Variants in DIP2B observed in about 807,000 individuals in gnomAD.
DIP2B encodes DIP2 acetate--CoA ligase B (putative).
Under a neutral mutation model 198.0 loss-of-function variants are expected in DIP2B, and 76 were observed. The ratio of observed to expected loss-of-function variants is 0.38; its 90% CI spans 0.32 to 0.46. The LOEUF (loss-of-function observed/expected upper bound fraction) is 0.46, where lower values mean the gene tolerates loss of function less well. Among genes scored for constraint, DIP2B ranks in the 20% least tolerant of loss-of-function variants. DIP2B has a pLI of 0.99. For missense variants in DIP2B, 1,559 were observed against 1,978.4 expected, an observed-to-expected ratio of 0.79 and a Z score of 4.02; for synonymous variants, 701 against 739.1, an observed-to-expected ratio of 0.95 and a Z score of 0.84.
intron 37 of DIP2B, 58 bp downstream of exon 37, chr12:50,741,597 G>T: frequency 1.3e-6 from 2 of 1,559,304 alleles, no homozygotes; most frequent in Non-Finnish European, 1.7e-6. Flanking sequence ...AATCTCAACT[G>T]ATCTAATTAA....
At chr12:50,536,693 G>A (rs1384688284) in intron 1 of DIP2B, among the ~76,000 whole-genome samples, 3 of 151,294 alleles carry the variant, frequency 2.0e-5, no homozygotes, top group Admixed American at 6.6e-5. Flanking sequence ...TCAGCCTCTC[G>A]AGTAGCTGGG....
At chr12:50,603,676 C>T (rs1440163201) in intron 1 of DIP2B, among the ~76,000 whole-genome samples, 1 of 151,488 alleles carries the variant, frequency 6.6e-6, no homozygotes, top group African/African-American at 2.4e-5. Context: ...AAGCCATGAT[C>T]ATACCACTGC....
In DIP2B at chr12:50,741,401, TTTTC is replaced by T. The variant is rs1409444873; in HGVS notation, c.4355-9_4355-6del. On this transcript the variant is annotated splice_polypyrimidine_tract_variant and intron_variant, in intron 36 of 37. Transcript: ENST00000301180. ...ATATGTCCAAGCCACATTTCTCTCT[TTTTC>T]TTTCTGTCAGAGCGTCATGATGCAT... 31 of 1,612,724 alleles carry T rather than the reference TTTTC, an allele frequency of 1.9e-5. No homozygotes were observed. Among genetic ancestry groups the T allele is most frequent in the Non-Finnish European group, 2.5e-5 (30 of 1,179,570 alleles).
intron 3 of DIP2B, among the ~76,000 whole-genome samples, chr12:50,644,866 T>C (rs1353913864): frequency 6.6e-6 from 1 of 152,210 alleles, no homozygotes; most frequent in Non-Finnish European, 1.5e-5. Context: ...TCATATCATA[T>C]ATAAAAATGC....
intron 1 of DIP2B, among the ~76,000 whole-genome samples, chr12:50,602,931 G>A (rs1267985339): frequency 1.5e-4 from 22 of 150,360 alleles, no homozygotes; most frequent in African/African-American, 4.7e-4. Flanking sequence ...TTGGGAGGCC[G>A]AGGTGGGCAG....
At chr12:50,704,325 C>T in intron 20 of DIP2B, 105 bp downstream of exon 20, 1 of 1,024,816 alleles carries the variant, frequency 9.8e-7, no homozygotes, top group Non-Finnish European at 1.4e-6. Flanking sequence ...GTTACAGAAC[C>T]ACTTCACTTA....
intron 1 of DIP2B, among the ~76,000 whole-genome samples, chr12:50,601,416 C>G (rs974359557): frequency 6.6e-6 from 1 of 151,830 alleles, no homozygotes; most frequent in African/African-American, 2.4e-5. Context: ...GCGATCTCGA[C>G]TCACTGCAAG....
chr12:50,513,984 T>C (rs560938415), intron 1 of DIP2B, among the ~76,000 whole-genome samples: 1 of 151,996 alleles, frequency 6.6e-6, no homozygotes, highest in Non-Finnish European at 1.5e-5. Context: ...TCTTTTTAGC[T>C]CTAGATTGAT....
intron 2 of DIP2B, among the ~76,000 whole-genome samples, chr12:50,626,435 T>C (rs1478660524): frequency 1.3e-5 from 2 of 152,174 alleles, no homozygotes; most frequent in Non-Finnish European, 2.9e-5. Context: ...ATGGCAATAC[T>C]TGAGGATTGG....
chr12:50,729,119 C>A (rs1419497867), intron 30 of DIP2B, among the ~76,000 whole-genome samples: 2 of 152,134 alleles, frequency 1.3e-5, no homozygotes, highest in African/African-American at 4.8e-5. Flanking sequence ...GAATACAGAT[C>A]CCAGCTCCTC....
At chr12:50,691,019 G>C (rs1939213868) in intron 12 of DIP2B, 30 bp from the exon 13 acceptor site, 1 of 1,591,092 alleles carries the variant, frequency 6.3e-7, no homozygotes. Flanking sequence ...ATTTTATTGT[G>C]TTTCTTATGT....
At chr12:50,548,219 A>G (rs1342930362) in intron 1 of DIP2B, among the ~76,000 whole-genome samples, 1 of 152,218 alleles carries the variant, frequency 6.6e-6, no homozygotes, top group Non-Finnish European at 1.5e-5. Context: ...AAAAAAAGTG[A>G]TAATTATGAG....
intron 3 of DIP2B, among the ~76,000 whole-genome samples, chr12:50,645,373 G>A (rs184117080): frequency 6.6e-6 from 1 of 152,052 alleles, no homozygotes; most frequent in East Asian, 1.9e-4. Flanking sequence ...GGTTAAATAA[G>A]TCATAGAATG....
intron 1 of DIP2B, among the ~76,000 whole-genome samples, chr12:50,589,143 C>A (rs1958796873): frequency 6.6e-6 from 1 of 151,374 alleles, no homozygotes; most frequent in Non-Finnish European, 1.5e-5. Flanking sequence ...AAGATCGCGC[C>A]ACTGCACTCC....
intron 1 of DIP2B, among the ~76,000 whole-genome samples, chr12:50,523,241 G>T (rs1253075365): frequency 1.3e-5 from 2 of 152,038 alleles, no homozygotes; most frequent in Admixed American, 6.6e-5. Flanking sequence ...ACATCCTCTT[G>T]TTTAAATCAA....
chr12:50,567,531 C>CTT (rs35025171), intron 1 of DIP2B, among the ~76,000 whole-genome samples: 7 of 151,462 alleles, frequency 4.6e-5, no homozygotes, highest in Middle Eastern at 3.4e-3. Flanking sequence ...CTTTAAAAAT[C>CTT]TTTTTTTTTA....
At chr12:50,537,508 A>G in intron 1 of DIP2B, among the ~76,000 whole-genome samples, 1 of 152,056 alleles carries the variant, frequency 6.6e-6, no homozygotes, top group African/African-American at 2.4e-5. Flanking sequence ...AATTTTGGAC[A>G]TGTTGGAGTC....
At chr12:50,516,486 A>G (rs942157410) in intron 1 of DIP2B, among the ~76,000 whole-genome samples, 6 of 151,940 alleles carry the variant, frequency 3.9e-5, no homozygotes, top group African/African-American at 9.7e-5. Flanking sequence ...ACCCCTGGCC[A>G]TGAATGATAC....
At chr12:50,613,019 T>G (rs930628091) in intron 1 of DIP2B, among the ~76,000 whole-genome samples, 18 of 152,254 alleles carry the variant, frequency 1.2e-4, no homozygotes, top group African/African-American at 4.3e-4. Context: ...GCACAGCATG[T>G]GCCTCCCGTT....
Sources: allele counts gnomAD v4.1 joint callset (sites outside exome capture counted in the v4.1 genomes callset), GRCh38; gene constraint gnomAD v4.1.1; transcripts MANE v1.5; gene names NCBI Gene and HGNC (gene_info 2026-07-23, HGNC 2026-07-21).